Variants in ROBO1 observed in about 807,000 individuals in gnomAD.
The protein encoded by ROBO1 is roundabout guidance receptor 1, also known as roundabout homolog 1.
ROBO1 carries 149 observed loss-of-function variants against 195.9 expected under a neutral mutation model. The observed-to-expected ratio is 0.76, with a 90% CI of 0.67 to 0.87. The LOEUF (loss-of-function observed/expected upper bound fraction) is 0.87, where lower values mean the gene tolerates loss of function less well. Among genes scored for constraint, ROBO1 ranks in the 40% least tolerant of loss-of-function variants. ROBO1 has a pLI of 0.00. For synonymous variants in ROBO1, 816 were observed against 733.2 expected, an observed-to-expected ratio of 1.11 and a Z score of -1.82; for missense variants, 1,933 against 2,068.3, an observed-to-expected ratio of 0.93 and a Z score of 1.27.
intron 2 of ROBO1, among the ~76,000 whole-genome samples, chr3:79,139,970 A>G (rs2080490244): frequency 6.6e-6 from 1 of 152,178 alleles, no homozygotes. Flanking sequence ...AGGCACAAAA[A>G]TGGCACAATA....
At position 78,598,792 on chromosome 3, in the gene ROBO1, A is replaced by G; in HGVS notation, c.*121T>C. 1.6e-6 allele frequency: 1 copy of G among 606,318 alleles called. No homozygotes were observed. Among genetic ancestry groups the G allele is most frequent in the East Asian group, 2.8e-5 (1 of 35,214 alleles). 37.6% of individuals were successfully genotyped at this position (606,318 alleles called of 1,614,324 possible). ...AAATGATATCCCAATAAGAGGAATA[A>G]AAACGACAATTTGTACACTCTGATT... On this transcript the variant is annotated 3_prime_UTR_variant, in exon 31 of 31. Transcript: ENST00000464233.
chr3:78,908,137 G>T (rs2038035329), intron 4 of ROBO1, among the ~76,000 whole-genome samples: 2 of 119,860 alleles, frequency 1.7e-5, no homozygotes. Flanking sequence ...TATCAAAGAA[G>T]AAATATATAA....
intron 1 of ROBO1, among the ~76,000 whole-genome samples, chr3:79,732,465 TA>T (rs1703194202): frequency 1.3e-5 from 2 of 152,160 alleles, no homozygotes; most frequent in Admixed American, 6.5e-5. Flanking sequence ...GGATTTTGAA[TA>T]AAATTTCTTC....
chr3:79,764,502 G>T (rs1317416288), intron 1 of ROBO1, among the ~76,000 whole-genome samples: 1 of 152,194 alleles, frequency 6.6e-6, no homozygotes, highest in East Asian at 1.9e-4. Flanking sequence ...ATTTCAAATG[G>T]TGCATTGCAC....
At chr3:79,041,949 T>C (rs2078494348) in intron 3 of ROBO1, among the ~76,000 whole-genome samples, 1 of 152,186 alleles carries the variant, frequency 6.6e-6, no homozygotes, top group African/African-American at 2.4e-5. Context: ...TAAACAACTC[T>C]GGCAGGTGAG....
At chr3:79,008,271 G>C (rs927092972) in intron 3 of ROBO1, among the ~76,000 whole-genome samples, 1 of 152,010 alleles carries the variant, frequency 6.6e-6, no homozygotes, top group African/African-American at 2.4e-5. Context: ...CTTGAATCTT[G>C]TATTAAAAGC....
At chr3:78,682,599 T>A (rs2107803494) in intron 10 of ROBO1, among the ~76,000 whole-genome samples, 1 of 147,422 alleles carries the variant, frequency 6.8e-6, no homozygotes, top group African/African-American at 2.5e-5. Flanking sequence ...TGTCAAAAAA[T>A]TTATATTTTT....
chr3:79,194,757 T>C (rs2108763675), intron 2 of ROBO1, among the ~76,000 whole-genome samples: 1 of 151,758 alleles, frequency 6.6e-6, no homozygotes, highest in Non-Finnish European at 1.5e-5. Context: ...TCTTATTCTT[T>C]ACAGGTATGT....
At chr3:79,213,288 G>T (rs1196966099) in intron 2 of ROBO1, among the ~76,000 whole-genome samples, 2 of 151,874 alleles carry the variant, frequency 1.3e-5, no homozygotes, top group African/African-American at 2.4e-5. Flanking sequence ...CACCAAGTTA[G>T]ATCATGGCAT....
intron 2 of ROBO1, among the ~76,000 whole-genome samples, chr3:79,521,335 TAGGAAACAC>T (rs1172229659): frequency 6.6e-6 from 1 of 152,200 alleles, no homozygotes; most frequent in Non-Finnish European, 1.5e-5. Flanking sequence ...GGTTCCTGTT[TAGGAAACAC>T]AGGGATTAAT....
intron 3 of ROBO1, among the ~76,000 whole-genome samples, chr3:78,947,666 C>T (rs1198520049): frequency 1.3e-5 from 2 of 152,070 alleles, no homozygotes; most frequent in Non-Finnish European, 1.5e-5. Context: ...CAAGAAATAA[C>T]CAAGAACAGA....
intron 3 of ROBO1, among the ~76,000 whole-genome samples, chr3:79,025,501 CAG>C (rs1180323429): frequency 6.6e-6 from 1 of 152,094 alleles, no homozygotes; most frequent in East Asian, 1.9e-4. Flanking sequence ...AGTAGGCACT[CAG>C]ATGTTTGCTG....
intron 4 of ROBO1, among the ~76,000 whole-genome samples, chr3:78,800,394 T>C (rs2084329535): frequency 2.6e-5 from 4 of 152,192 alleles, no homozygotes; most frequent in Admixed American, 2.6e-4. Flanking sequence ...TGAACAATTT[T>C]AATGTGTATG....
chr3:79,138,561 C>A lies in ROBO1; in HGVS notation c.89-13022G>T, dbSNP rs142216497. Among the ~76,000 whole-genome samples, 551 of 151,988 alleles carry A rather than the reference C, an allele frequency of 3.6e-3. 1 individual carries two copies. The highest frequency in any genetic ancestry group is 5.6e-3 in the Non-Finnish European group (381 of 67,870). ...TAACATATTACTTCCTTTTTCTCCC[C>A]TGTAAGTGTTATGCACACATTTGGA... On this transcript the variant is annotated intron_variant, in intron 2 of 30. Transcript: ENST00000464233.
chr3:78,724,207 C>T (rs192288661), intron 5 of ROBO1, among the ~76,000 whole-genome samples: 13 of 152,130 alleles, frequency 8.5e-5, no homozygotes, highest in African/African-American at 3.1e-4. Flanking sequence ...GGCATTATGT[C>T]AATGACTACA....
At chr3:78,836,907 A>T (rs536115734) in intron 4 of ROBO1, among the ~76,000 whole-genome samples, 6 of 152,338 alleles carry the variant, frequency 3.9e-5, no homozygotes, top group African/African-American at 1.4e-4. Context: ...ACCTGCTGTA[A>T]GACACAGAGC....
chr3:78,967,769 A>C (rs2076679244), intron 3 of ROBO1, among the ~76,000 whole-genome samples: 1 of 152,226 alleles, frequency 6.6e-6, no homozygotes, highest in South Asian at 2.1e-4. Context: ...TCAACATTAT[A>C]TACAGCAAAA....
chr3:79,114,913 A>G (rs2079963267), intron 3 of ROBO1, among the ~76,000 whole-genome samples: 1 of 152,148 alleles, frequency 6.6e-6, no homozygotes, highest in South Asian at 2.1e-4. Flanking sequence ...AGGAAATATA[A>G]TTGTTCAGTG....
At chr3:79,175,094 T>C (rs1464021715) in intron 2 of ROBO1, among the ~76,000 whole-genome samples, 2 of 152,162 alleles carry the variant, frequency 1.3e-5, no homozygotes, top group East Asian at 3.8e-4. Flanking sequence ...AAATTGAAAA[T>C]GTTTTTTCAG....
Sources: gnomAD v4.1 joint callset for allele counts (sites outside exome capture counted in the v4.1 genomes callset) on GRCh38, gnomAD v4.1.1 for gene constraint, MANE v1.5 for transcripts, NCBI Gene and HGNC (gene_info 2026-07-23, HGNC 2026-07-21) for gene names.